The following MAP2K5 variants were observed in gnomAD, a reference collection of about 807,000 sequenced individuals.
MAP2K5 encodes dual specificity mitogen-activated protein kinase kinase 5.
In MAP2K5, 49 loss-of-function variants were observed where a neutral mutation model predicts 83.1. That is an observed-to-expected ratio of 0.59 (90% CI 0.47 to 0.75). MAP2K5 has a LOEUF of 0.75. Ranked by LOEUF, MAP2K5 falls within the 30% of genes least tolerant of loss-of-function variation. MAP2K5 has a pLI of 0.00. For synonymous variants in MAP2K5, 202 were observed against 191.8 expected (o/e 1.05, Z -0.44); for missense variants, 457 against 557.5 (o/e 0.82, Z 1.82).
chr15:67,735,318 T>G (rs2089315374), intron 17 of MAP2K5, among the ~76,000 whole-genome samples: 1 of 152,230 alleles, frequency 6.6e-6, no homozygotes. Flanking sequence ...GATAAATTAT[T>G]TGTTAATACT....
Position 67,755,181 on chromosome 15 carries a change from G to A in MAP2K5, c.1134+6580G>A, listed in dbSNP as rs2089809034. ...TTTAGTAGAGATGGGGTTTCACCAT[G>A]TTGGCCAGGCTGGTCTCAAACTCCT... On this transcript the variant is annotated intron_variant, in intron 19 of 21. Coordinates refer to ENST00000178640, the MANE Select transcript of MAP2K5 (RefSeq NM_145160.3). This position sits in a 1 kb window ranked among gnomAD's most constrained non-coding sequence, Gnocchi z 4.7. 6.6e-6 allele frequency among the ~76,000 whole-genome samples: 1 copy of A among 152,104 alleles called. No homozygotes were observed. The highest frequency in any genetic ancestry group is 1.5e-5 in the Non-Finnish European group (1 of 68,014).
chr15:67,668,307 A>C lies in MAP2K5; in HGVS notation c.847+3662A>C, dbSNP rs1275868615. The stretch of plus-strand genomic sequence containing the variant: ...TATTACTGAGTCAAAAATTATGAAA[A>C]TCTTTTCTCTAAAATAAACCAAACG... On this transcript the variant is annotated intron_variant, in intron 13 of 21. Coordinates refer to ENST00000178640, the MANE Select transcript of MAP2K5 (RefSeq NM_145160.3). This position sits in a 1 kb window ranked among gnomAD's most constrained non-coding sequence, Gnocchi z 4.0. 3.3e-5 allele frequency among the ~76,000 whole-genome samples: 5 copies of C among 152,310 alleles called. No individual in the cohort carries two copies. Among genetic ancestry groups the C allele is most frequent in the Admixed American group, 3.3e-4 (5 of 15,288 alleles).
chr15:67,664,947 C>G (rs1025021969), intron 13 of MAP2K5, among the ~76,000 whole-genome samples: 12 of 152,144 alleles, frequency 7.9e-5, no homozygotes, highest in Admixed American at 4.6e-4. Flanking sequence ...AATGCAAAAC[C>G]TTTGCTTTCT....
In MAP2K5 at chr15:67,747,573, A is replaced by T. The variant is rs1179864594; in HGVS notation, c.1075-658A>T. Among the ~76,000 whole-genome samples the T allele has an allele frequency of 2.0e-5, 3 of 152,162 alleles. No homozygotes were observed. The highest frequency in any genetic ancestry group is 2.0e-4 in the Admixed American group (3 of 15,272). On this transcript the variant is annotated intron_variant, in intron 17 of 21. Coordinates refer to ENST00000178640, the MANE Select transcript of MAP2K5 (RefSeq NM_145160.3). The surrounding 1 kb of genome is among the most constrained non-coding windows in gnomAD (Gnocchi z 4.1). ...TGAGCAGCCTGCCTTCAGAATGTTGATCAGAAATGCGCTCTTACTGGACTC... is the reference window on the plus strand; with the variant it reads ...TGAGCAGCCTGCCTTCAGAATGTTGTTCAGAAATGCGCTCTTACTGGACTC...
chr15:67,560,479 C>T (rs1425943006), intron 2 of MAP2K5, among the ~76,000 whole-genome samples: 1 of 152,264 alleles, frequency 6.6e-6, no homozygotes, highest in East Asian at 1.9e-4. Flanking sequence ...AACAACTATT[C>T]ATCAGTATGC....
At chr15:67,589,285 T>C (rs980005189) in intron 6 of MAP2K5, among the ~76,000 whole-genome samples, 17 of 152,300 alleles carry the variant, frequency 1.1e-4, no homozygotes, top group African/African-American at 3.8e-4. Flanking sequence ...CCAGACAAAG[T>C]TGATAGCCAG....
At position 67,549,070 on chromosome 15, in the gene MAP2K5, G is replaced by T; in HGVS notation, c.136-964G>T. ...CTCCCTGCTGAGAAATACTGCGAGC[G>T]GCTTTGTCAGCCGGCTGCCTGGTGC... is the stretch of plus-strand genomic sequence containing the variant. On this transcript the variant is annotated intron_variant, in intron 1 of 21. Coordinates refer to ENST00000178640, the MANE Select transcript of MAP2K5 (RefSeq NM_145160.3). 3 of 1,526,764 alleles carry T rather than the reference G, an allele frequency of 2.0e-6. No individual in the cohort carries two copies. In the South Asian group the frequency reaches 3.6e-5, roughly 18 times the overall value. 94.6% of individuals were successfully genotyped at this position (1,526,764 alleles called of 1,614,324 possible).
chr15:67,727,628 G>T (rs1368522292), intron 16 of MAP2K5, among the ~76,000 whole-genome samples: 1 of 152,180 alleles, frequency 6.6e-6, no homozygotes, highest in Admixed American at 6.5e-5. Flanking sequence ...ACGTAAATGT[G>T]AATAATGCCC....
chr15:67,806,849 TG>T lies in MAP2K5; in HGVS notation c.*102del. 6.3e-7 allele frequency: 1 copy of T among 1,596,706 alleles called. No homozygotes were observed. The highest frequency in any genetic ancestry group is 8.5e-7 in the Non-Finnish European group (1 of 1,178,904). Reference sequence around the variant, plus strand: ...GCTGCCTGCGCCAGAAGAGCTTTGCTGGGCCCTGGCTTCCCTGCCCTCGCCT... The same window carrying T: ...GCTGCCTGCGCCAGAAGAGCTTTGCTGGCCCTGGCTTCCCTGCCCTCGCCT... On this transcript the variant is annotated 3_prime_UTR_variant, in exon 22 of 22. Transcript: ENST00000178640.
intron 8 of MAP2K5, among the ~76,000 whole-genome samples, chr15:67,607,571 A>AT: frequency 6.6e-6 from 1 of 152,150 alleles, no homozygotes. Context: ...CTGAGCAGAG[A>AT]TTTTCAGACT....
Position 67,769,708 on chromosome 15 carries a change from C to G in MAP2K5, c.1196+45C>G. ...TGCCATGCCCTCAATGTAAATGATA[C>G]ATGCCATTAACTCGGCAGCTCCGTG... On this transcript the variant is annotated intron_variant, in intron 20 of 21. Coordinates refer to ENST00000178640, the MANE Select transcript of MAP2K5 (RefSeq NM_145160.3). The surrounding 1 kb of genome is among the most constrained non-coding windows in gnomAD (Gnocchi z 5.2). 6.3e-7 allele frequency: 1 copy of G among 1,591,684 alleles called. No homozygotes were observed. The highest frequency in any genetic ancestry group is 8.6e-7 in the Non-Finnish European group (1 of 1,160,302).
At chr15:67,606,417 G>C (rs1011751498) in intron 8 of MAP2K5, among the ~76,000 whole-genome samples, 3 of 152,108 alleles carry the variant, frequency 2.0e-5, no homozygotes, top group African/African-American at 7.2e-5. Context: ...GTGATACAAT[G>C]GGTAGTATAT....
Position 67,757,612 on chromosome 15 carries a change from T to C in MAP2K5, c.1134+9011T>C, listed in dbSNP as rs2089865312. On this transcript the variant is annotated intron_variant, in intron 19 of 21. Transcript: ENST00000178640. This position sits in a 1 kb window ranked among gnomAD's most constrained non-coding sequence, Gnocchi z 4.9. ...CGGGGATAGAGAATGAATAAGATGC[T>C]CTTTCCACCATTAAAGAGCAGCTAC... Among the ~76,000 whole-genome samples the C allele has an allele frequency of 6.6e-6, 1 of 152,100 alleles. No individual in the cohort carries two copies. The highest frequency in any genetic ancestry group is 2.1e-4 in the South Asian group (1 of 4,818).
At chr15:67,745,867 T>G (rs1383850909) in intron 17 of MAP2K5, among the ~76,000 whole-genome samples, 5 of 152,224 alleles carry the variant, frequency 3.3e-5, no homozygotes, top group Non-Finnish European at 7.3e-5. Context: ...ATTGAGTATC[T>G]TAAGCATTTT....
At position 67,658,607 on chromosome 15, in the gene MAP2K5, C is replaced by T. The variant is rs778418925; in HGVS notation, c.791C>T (p.Ala264Val). The T allele has an allele frequency of 1.2e-6, 2 of 1,610,840 alleles. No individual in the cohort carries two copies. The highest frequency in any genetic ancestry group is 2.2e-5 in the South Asian group (2 of 91,014). Residue 264 changes from alanine (A) to valine (V), a missense_variant, in exon 12 of 22, where the codon GCA (alanine) becomes GTA (valine). Around this residue, in one of 3 missense-constraint regions of MAP2K5, gnomAD observed 168 missense variants for 263.0 expected, o/e 0.64. Transcript: ENST00000178640. ...KMPEHVLGRIAVAVVKGLTYL... is the reference protein window; with the variant it reads ...KMPEHVLGRIVVAVVKGLTYL... ...CCAGAACATGTCCTTGGAAGAATTGCAGTAGCAGTAAGTATATGGCTTCAG... is the reference window on the plus strand; with the variant it reads ...CCAGAACATGTCCTTGGAAGAATTGTAGTAGCAGTAAGTATATGGCTTCAG...
intron 9 of MAP2K5, chr15:67,642,596 C>G: frequency 1.3e-6 from 1 of 759,564 alleles, no homozygotes; most frequent in Non-Finnish European, 2.4e-6. Context: ...AAGCACACCC[C>G]AAGTACAGGA....
chr15:67,739,517 G>T (rs1253917112), intron 17 of MAP2K5, among the ~76,000 whole-genome samples: 1 of 111,326 alleles, frequency 9.0e-6, no homozygotes, highest in Admixed American at 1.2e-4. Flanking sequence ...GTCTCACTCT[G>T]TTGCCCAGGC....
chr15:67,591,730 C>T (rs2085414720), intron 6 of MAP2K5, among the ~76,000 whole-genome samples: 1 of 152,008 alleles, frequency 6.6e-6, no homozygotes, highest in Admixed American at 6.5e-5. Context: ...TTAAATGCTA[C>T]TCTACTAGTC....
intron 6 of MAP2K5, among the ~76,000 whole-genome samples, chr15:67,590,554 C>T (rs547098527): frequency 5.3e-5 from 8 of 151,664 alleles, no homozygotes; most frequent in Middle Eastern, 3.4e-3. Context: ...ACCACAGCTT[C>T]GACCTCCTGG....
Sources: allele counts gnomAD v4.1 joint callset (sites outside exome capture counted in the v4.1 genomes callset), GRCh38; gene constraint gnomAD v4.1.1; regional missense constraint gnomAD v4.1.1; non-coding constraint Gnocchi (gnomAD v3.1); transcripts MANE v1.5; gene names NCBI Gene and HGNC (gene_info 2026-07-23, HGNC 2026-07-21).